PRKG1: variants seen among roughly 807,000 people sequenced by gnomAD.
The protein encoded by PRKG1 is cGMP-dependent protein kinase 1.
In PRKG1, 35 loss-of-function variants were observed where a neutral mutation model predicts 88.1. That is an observed-to-expected ratio of 0.40 (90% CI 0.30 to 0.53). The LOEUF (loss-of-function observed/expected upper bound fraction) is 0.53, where lower values mean the gene tolerates loss of function less well. Among genes scored for constraint, PRKG1 ranks in the 20% least tolerant of loss-of-function variants. The pLI is 0.59. For synonymous variants in PRKG1, 303 were observed against 292.5 expected (o/e 1.04, Z -0.37); for missense variants, 540 against 839.8 (o/e 0.64, Z 4.41).
At chr10:51,495,516 T>C (rs1840827873) in intron 3 of PRKG1, among the ~76,000 whole-genome samples, 1 of 152,192 alleles carries the variant, frequency 6.6e-6, no homozygotes, top group African/African-American at 2.4e-5. Flanking sequence ...GCGCAAGAAC[T>C]TCAAGGAAAG....
chr10:51,133,989 T>C (rs1249365569), intron 1 of PRKG1, among the ~76,000 whole-genome samples: 3 of 152,190 alleles, frequency 2.0e-5, no homozygotes, highest in Admixed American at 2.0e-4. Flanking sequence ...TGCTCCCTCA[T>C]TTAGAATCTT....
At chr10:51,851,486 C>T (rs1404166379) in intron 4 of PRKG1, among the ~76,000 whole-genome samples, 6 of 152,278 alleles carry the variant, frequency 3.9e-5, no homozygotes, top group South Asian at 2.1e-4. Context: ...GACTGACAAA[C>T]GCTTCCCTAT....
chr10:51,441,844 G>T (rs293245), intron 2 of PRKG1, among the ~76,000 whole-genome samples: 103,044 of 151,744 alleles, frequency 0.68, 35,798 homozygotes, highest in African/African-American at 0.79. Flanking sequence ...CAGCCAAAAT[G>T]TATTATTTTG....
At chr10:51,156,297 G>GCACACACACGCACACACACACA (rs1846209988) in intron 2 of PRKG1, among the ~76,000 whole-genome samples, 1 of 35,134 alleles carries the variant, frequency 2.8e-5, no homozygotes, top group African/African-American at 2.3e-4. Context: ...TTTGATGCAA[G>GCACACACACGCACACACACACA]CACACACACA....
chr10:51,339,334 G>T (rs992075111), intron 2 of PRKG1, among the ~76,000 whole-genome samples: 11 of 151,948 alleles, frequency 7.2e-5, no homozygotes, highest in African/African-American at 2.7e-4. Context: ...TTCTAGAAAG[G>T]TTCACCAGAA....
At chr10:51,868,326 A>G (rs538253167) in intron 4 of PRKG1, among the ~76,000 whole-genome samples, 23 of 152,266 alleles carry the variant, frequency 1.5e-4, no homozygotes, top group African/African-American at 5.5e-4. Flanking sequence ...GAGCACTGAG[A>G]TGGCTGGAGG....
At chr10:52,019,437 A>T (rs1845126026) in intron 5 of PRKG1, among the ~76,000 whole-genome samples, 1 of 152,186 alleles carries the variant, frequency 6.6e-6, no homozygotes, top group Non-Finnish European at 1.5e-5. Context: ...TACAGGCTGG[A>T]GGAAGATTTA....
chr10:51,129,234 G>C (rs906796534), intron 1 of PRKG1, among the ~76,000 whole-genome samples: 1 of 152,226 alleles, frequency 6.6e-6, no homozygotes, highest in Admixed American at 6.5e-5. Context: ...TTAGCACTTT[G>C]GGAGGTAGAG....
intron 3 of PRKG1, among the ~76,000 whole-genome samples, chr10:51,581,828 A>G (rs1053374816): frequency 6.6e-6 from 1 of 152,078 alleles, no homozygotes; most frequent in Non-Finnish European, 1.5e-5. Context: ...AATCAGGAGC[A>G]TTTCATCTTT....
At chr10:52,012,104 G>C (rs1483993102) in intron 5 of PRKG1, among the ~76,000 whole-genome samples, 2 of 152,026 alleles carry the variant, frequency 1.3e-5, no homozygotes, top group Non-Finnish European at 2.9e-5. Flanking sequence ...TCTTCACTGT[G>C]CTCCCCATTT....
At chr10:51,523,215 A>C (rs1412726629) in intron 3 of PRKG1, among the ~76,000 whole-genome samples, 1 of 152,122 alleles carries the variant, frequency 6.6e-6, no homozygotes, top group African/African-American at 2.4e-5. Context: ...TTCTGCAGTC[A>C]TTTTGTCAAG....
chr10:52,239,759 GT>G (rs1372667929), intron 9 of PRKG1, among the ~76,000 whole-genome samples: 1 of 151,982 alleles, frequency 6.6e-6, no homozygotes, highest in Non-Finnish European at 1.5e-5. Context: ...TCTGATTGTG[GT>G]TTTTTTCCCA....
intron 1 of PRKG1, among the ~76,000 whole-genome samples, chr10:51,108,840 G>A (rs922770250): frequency 2.0e-5 from 3 of 151,976 alleles, no homozygotes; most frequent in African/African-American, 7.2e-5. Flanking sequence ...TTTTTTTCAG[G>A]CAATATTATC....
intron 3 of PRKG1, among the ~76,000 whole-genome samples, chr10:51,708,712 G>GGA (rs1841670053): frequency 2.0e-5 from 3 of 152,280 alleles, no homozygotes; most frequent in Admixed American, 6.5e-5. Context: ...TTAAGAGGTT[G>GGA]GAGCCAGAGT....
At position 51,467,149 on chromosome 10, in the gene PRKG1, G is replaced by A. The variant is rs539328595; in HGVS notation, c.479-574G>A. Among the ~76,000 whole-genome samples the A allele has an allele frequency of 2.2e-4, 34 of 152,024 alleles. No individual in the cohort carries two copies. In the East Asian group the frequency reaches 6.6e-3, roughly 29 times the overall value. ...ATCAAACATAAACTGTCATAACACA[G>A]CTTTCTTTTCCCTCAACCCTTGTAG... On this transcript the variant is annotated intron_variant, in intron 2 of 17. Transcript: ENST00000373980.
Position 51,804,577 on chromosome 10 carries a change from T to C in PRKG1, c.593-8T>C. On this transcript the variant is annotated splice_polypyrimidine_tract_variant and splice_region_variant and intron_variant, in intron 3 of 17. Coordinates refer to ENST00000373980, the MANE Select transcript of PRKG1 (RefSeq NM_006258.4). ...TTCCCTGTTTGTTTCTCTTTTATTT[T>C]TCTCCAGCTCTTGTAAATGTAAAAC... The C allele has an allele frequency of 3.2e-6, 5 of 1,553,526 alleles. No individual in the cohort carries two copies. Among genetic ancestry groups the C allele is most frequent in the Non-Finnish European group, 3.5e-6 (4 of 1,128,210 alleles).
intron 1 of PRKG1, among the ~76,000 whole-genome samples, chr10:51,052,266 A>G (rs1843571217): frequency 6.6e-6 from 1 of 152,226 alleles, no homozygotes; most frequent in Non-Finnish European, 1.5e-5. Context: ...AATATAAAAT[A>G]TGGCCAAAGA....
intron 3 of PRKG1, 141 bp downstream of exon 3, chr10:51,467,977 G>A: frequency 2.8e-6 from 2 of 709,490 alleles, no homozygotes; most frequent in East Asian, 2.8e-5. Context: ...TATAGCTGAT[G>A]TATTTGTTTT....
chr10:52,126,978 A>G (rs930024657), intron 7 of PRKG1, among the ~76,000 whole-genome samples: 3 of 152,152 alleles, frequency 2.0e-5, no homozygotes, highest in African/African-American at 7.2e-5. Flanking sequence ...CTAGATTTAC[A>G]TTTGAAAATG....
Sources: gnomAD v4.1 joint callset for allele counts (sites outside exome capture counted in the v4.1 genomes callset) on GRCh38, gnomAD v4.1.1 for gene constraint, MANE v1.5 for transcripts, NCBI Gene and HGNC (gene_info 2026-07-23, HGNC 2026-07-21) for gene names.